ITGA2: variants seen among roughly 807,000 people sequenced by gnomAD.
ITGA2 encodes integrin subunit alpha 2, also known as integrin alpha-2.
ITGA2 carries 101 observed loss-of-function variants against 146.3 expected under a neutral mutation model. The observed-to-expected ratio is 0.69, with a 90% CI of 0.59 to 0.81. The LOEUF (loss-of-function observed/expected upper bound fraction) is 0.81. Among genes scored for constraint, ITGA2 ranks in the 40% least tolerant of loss-of-function variants. The pLI is 0.00. For synonymous variants in ITGA2, 477 were observed against 487.1 expected (o/e 0.98, Z 0.27); for missense variants, 1,281 against 1,402.7 (o/e 0.91, Z 1.39).
At chr5:52,998,222 C>G (rs1405143033) in intron 1 of ITGA2, among the ~76,000 whole-genome samples, 2 of 152,062 alleles carry the variant, frequency 1.3e-5, no homozygotes, top group African/African-American at 4.8e-5. Context: ...GTAATCCCAG[C>G]ACTTTGGGAG....
At chr5:53,045,708 A>G (rs1398502013) in intron 4 of ITGA2, among the ~76,000 whole-genome samples, 1 of 152,182 alleles carries the variant, frequency 6.6e-6, no homozygotes, top group African/African-American at 2.4e-5. Flanking sequence ...TTTCTGAAGG[A>G]TGGAAAAATT....
chr5:53,037,750 A>T (rs915350116), intron 2 of ITGA2, among the ~76,000 whole-genome samples: 33 of 152,204 alleles, frequency 2.2e-4, no homozygotes, highest in Admixed American at 1.7e-3. Flanking sequence ...TAGCCTACTT[A>T]TTAATGTGGT....
Position 53,090,776 on chromosome 5 carries a change from G to T in ITGA2, c.*177G>T. 1 of 461,684 alleles carries T rather than the reference G, an allele frequency of 2.2e-6. No individual in the cohort carries two copies. The highest frequency in any genetic ancestry group is 2.2e-5 in the South Asian group (1 of 44,798). The allele number at this position is 461,684 out of a possible 1,614,324, so 28.6% of individuals were successfully genotyped here. ...GAATGAAGAAATTGTGGGGGGTGGGGGAGGTGCGGGGGGCAGGTAGGGAAA... is the reference window on the plus strand; with the variant it reads ...GAATGAAGAAATTGTGGGGGGTGGGTGAGGTGCGGGGGGCAGGTAGGGAAA... On this transcript the variant is annotated 3_prime_UTR_variant, in exon 30 of 30. Coordinates refer to ENST00000296585, the MANE Select transcript of ITGA2 (RefSeq NM_002203.4).
At chr5:52,995,553 T>C (rs1741198520) in intron 1 of ITGA2, among the ~76,000 whole-genome samples, 1 of 152,148 alleles carries the variant, frequency 6.6e-6, no homozygotes, top group South Asian at 2.1e-4. Context: ...CATGGACAAG[T>C]CAGTTGATTT....
chr5:53,083,651 C>T (rs1746027191), intron 27 of ITGA2, among the ~76,000 whole-genome samples, 198 bp downstream of exon 27: 2 of 152,178 alleles, frequency 1.3e-5, no homozygotes, highest in South Asian at 4.1e-4. Context: ...GCCTCAGAGT[C>T]ATCTGGGATA....
At chr5:53,066,197 G>T (rs1745141456) in intron 15 of ITGA2, among the ~76,000 whole-genome samples, 1 of 151,872 alleles carries the variant, frequency 6.6e-6, no homozygotes, top group Non-Finnish European at 1.5e-5. Context: ...CTCATATGGT[G>T]AGTAAAACAG....
chr5:53,069,379 A>G (rs1449317279), intron 16 of ITGA2, among the ~76,000 whole-genome samples: 1 of 151,932 alleles, frequency 6.6e-6, no homozygotes, highest in Non-Finnish European at 1.5e-5. Context: ...GCTCATAAAC[A>G]GCAGAATTAG....
At position 53,074,542 on chromosome 5, in the gene ITGA2, A is replaced by G. The variant is rs559247560; in HGVS notation, c.2664+65A>G. ...CCTTAGCACATATGCTAATTTACCA[A>G]CATAACATCTTGCTATCATGATTTG... On this transcript the variant is annotated intron_variant, in intron 21 of 29. Transcript: ENST00000296585. The G allele has an allele frequency of 3.7e-4, 450 of 1,218,090 alleles. 1 individual carries two copies. Among genetic ancestry groups the G allele is most frequent in the Non-Finnish European group, 5.1e-4 (421 of 822,918 alleles). 75.5% of individuals were successfully genotyped at this position (1,218,090 alleles called of 1,614,324 possible). A position where few individuals can be genotyped will look rare whatever the true frequency, so the allele number is the denominator to read the frequency against.
chr5:53,086,380 A>G (rs1013781125), intron 27 of ITGA2, among the ~76,000 whole-genome samples: 6 of 152,202 alleles, frequency 3.9e-5, no homozygotes, highest in Admixed American at 1.3e-4. Context: ...CTGATGTGAT[A>G]TAACAAGCTG....
At position 53,055,650 on chromosome 5, in the gene ITGA2, C is replaced by G; in HGVS notation, c.892C>G (p.Gln298Glu). 3 of 1,613,288 alleles carry G rather than the reference C, an allele frequency of 1.9e-6. No homozygotes were observed. Among genetic ancestry groups the G allele is most frequent in the Non-Finnish European group, 2.5e-6 (3 of 1,179,458 alleles). The change falls in exon 8 of 30, where the codon CAA becomes GAA. Residue 298 changes from glutamine to glutamate, a missense_variant. Coordinates refer to ENST00000296585, the MANE Select transcript of ITGA2 (RefSeq NM_002203.4). ...DGSMLKAVIDQCNHDNILRFG... is the reference protein window; with the variant it reads ...DGSMLKAVIDECNHDNILRFG... Reference sequence around the variant, plus strand: ...TTCAATGTTGAAAGCTGTGATTGATCAATGCAACCATGACAATATACTGAG... The same window carrying G: ...TTCAATGTTGAAAGCTGTGATTGATGAATGCAACCATGACAATATACTGAG...
At chr5:53,066,033 G>A in intron 15 of ITGA2, 56 bp downstream of exon 15, 1 of 1,517,142 alleles carries the variant, frequency 6.6e-7, no homozygotes, top group South Asian at 1.1e-5. Flanking sequence ...TAAGAAAGCA[G>A]AACAGATGTC....
chr5:52,994,160 G>C (rs945916305), intron 1 of ITGA2, among the ~76,000 whole-genome samples: 3 of 152,122 alleles, frequency 2.0e-5, no homozygotes, highest in Non-Finnish European at 4.4e-5. Context: ...TTCTTATAAG[G>C]TATCTACTTT....
In ITGA2 at chr5:53,058,100, A is replaced by C. The variant is rs1350306477; in HGVS notation, c.1172A>C (p.Asn391Thr). The C allele has an allele frequency of 6.2e-7, 1 of 1,606,010 alleles. No homozygotes were observed. The highest frequency in any genetic ancestry group is 1.3e-5 in the African/African-American group (1 of 74,656). Residue 391 changes from asparagine to threonine, a missense_variant and splice_region_variant, in exon 10 of 30, where the codon AAT becomes ACT. Asn to Thr is a moderately conservative substitution (Grantham distance 65, BLOSUM62 0). Coordinates refer to ENST00000296585, the MANE Select transcript of ITGA2 (RefSeq NM_002203.4). ...TTCAGTGCAGATTACTCTTCTCAAA[A>C]TGTGCGTATATCAGATAGCTTCAAG... ...VGFSADYSSQ[N>T]DILMLGAVGA...
At chr5:53,018,800 C>T (rs192478008) in intron 1 of ITGA2, among the ~76,000 whole-genome samples, 168 of 152,236 alleles carry the variant, frequency 1.1e-3, no homozygotes, top group African/African-American at 3.7e-3. Context: ...CGGTGGCTCA[C>T]GCCTGTAAAT....
intron 1 of ITGA2, among the ~76,000 whole-genome samples, chr5:53,024,576 T>A (rs1268058072): frequency 6.6e-6 from 1 of 152,192 alleles, no homozygotes; most frequent in Non-Finnish European, 1.5e-5. Flanking sequence ...TTTTGGATAA[T>A]TGCTCTAGTA....
rs1470559615 is a variant in ITGA2 at position 53,072,646 on chromosome 5, C to T, written c.2380C>T (p.Leu794Phe). The T allele has an allele frequency of 6.2e-7, 1 of 1,610,640 alleles. No individual in the cohort carries two copies. The highest frequency in any genetic ancestry group is 8.5e-7 in the Non-Finnish European group (1 of 1,178,532). ...PFHKDCGEDG[L>F]CISDLVLDVR... ...CCACAAAGACTGTGGTGAGGACGGA[C>T]TTTGCATTTCTGATCTAGTCCTAGA... Residue 794 changes from leucine (L) to phenylalanine (F), a missense_variant, in exon 19 of 30, where the codon CTT becomes TTT. Physicochemically the swap from Leu to Phe is conservative, Grantham distance 22. Around this residue, in one of 3 missense-constraint regions of ITGA2, gnomAD observed 475 missense variants for 530.5 expected, o/e 0.90. Transcript: ENST00000296585.
At chr5:53,047,433 A>G (rs567339781) in intron 4 of ITGA2, among the ~76,000 whole-genome samples, 1 of 152,194 alleles carries the variant, frequency 6.6e-6, no homozygotes, top group Non-Finnish European at 1.5e-5. Context: ...TTGGGATTGC[A>G]TTAATGGAGA....
intron 1 of ITGA2, among the ~76,000 whole-genome samples, chr5:52,999,799 C>T (rs1741476077): frequency 6.6e-6 from 1 of 152,170 alleles, no homozygotes; most frequent in Non-Finnish European, 1.5e-5. Flanking sequence ...GCATACTCAG[C>T]AGATATGTAG....
At chr5:53,014,439 G>C (rs1455123626) in intron 1 of ITGA2, among the ~76,000 whole-genome samples, 4 of 152,156 alleles carry the variant, frequency 2.6e-5, no homozygotes, top group African/African-American at 9.7e-5. Flanking sequence ...TTGCATCCGA[G>C]GGATAAAACC....
Sources: allele counts gnomAD v4.1 joint callset (sites outside exome capture counted in the v4.1 genomes callset), GRCh38; gene constraint gnomAD v4.1.1; regional missense constraint gnomAD v4.1.1; transcripts MANE v1.5; gene names NCBI Gene and HGNC (gene_info 2026-07-23, HGNC 2026-07-21).